PDS5B: variants seen among roughly 807,000 people sequenced by gnomAD.
The protein encoded by PDS5B is sister chromatid cohesion protein PDS5 homolog B.
Under a neutral mutation model 184.1 loss-of-function variants are expected in PDS5B, and 51 were observed. The ratio of observed to expected loss-of-function variants is 0.28; its 90% confidence interval spans 0.22 to 0.35. The LOEUF (loss-of-function observed/expected upper bound fraction) is 0.35, where lower values mean the gene tolerates loss of function less well. Ranked by LOEUF, PDS5B falls within the 10% of genes least tolerant of loss-of-function variation. The pLI is 1.00. For synonymous variants in PDS5B, 566 were observed against 569.2 expected (o/e 0.99, Z 0.08); for missense variants, 1,180 against 1,723.3 (o/e 0.68, Z 5.58).
chr13:32,744,253 C>T (rs142025255), intron 23 of PDS5B, among the ~76,000 whole-genome samples: 2 of 152,114 alleles, frequency 1.3e-5, no homozygotes, highest in Non-Finnish European at 2.9e-5. Context: ...ATTAAAATTT[C>T]GAATGTAATT....
intron 1 of PDS5B, among the ~76,000 whole-genome samples, chr13:32,593,398 T>C (rs2057806109): frequency 1.3e-5 from 2 of 152,220 alleles, no homozygotes; most frequent in South Asian, 4.1e-4. Flanking sequence ...TGGAGTGCAG[T>C]GGCACGATCT....
At chr13:32,659,751 GTGTT>G (rs1253398084) in intron 6 of PDS5B, among the ~76,000 whole-genome samples, 2 of 152,154 alleles carry the variant, frequency 1.3e-5, no homozygotes, top group Non-Finnish European at 2.9e-5. Flanking sequence ...GTTTTTGTGT[GTGTT>G]TGTGTTTTGA....
chr13:32,636,662 C>G (rs1265297155), intron 1 of PDS5B, among the ~76,000 whole-genome samples: 1 of 152,178 alleles, frequency 6.6e-6, no homozygotes. Flanking sequence ...AACATTTATT[C>G]AGCTTTTGCT....
At position 32,666,831 on chromosome 13, in the gene PDS5B, A is replaced by G. The variant is rs145005562; in HGVS notation, c.625-933A>G. Among the ~76,000 whole-genome samples, 257 of 152,338 alleles carry G rather than the reference A, an allele frequency of 1.7e-3. 1 individual carries two copies. Among genetic ancestry groups the G allele is most frequent in the African/African-American group, 6.0e-3 (249 of 41,574 alleles). On this transcript the variant is annotated intron_variant, in intron 6 of 34. Coordinates refer to ENST00000315596, the MANE Select transcript of PDS5B (RefSeq NM_015032.4). The stretch of plus-strand genomic sequence containing the variant: ...TCTATAATTGATGAAAGTTTAGTCC[A>G]TAGAATCTATGGAGAAAATATAAAA...
At chr13:32,663,062 G>A (rs1240805829) in intron 6 of PDS5B, among the ~76,000 whole-genome samples, 1 of 152,000 alleles carries the variant, frequency 6.6e-6, no homozygotes, top group Non-Finnish European at 1.5e-5. Context: ...ACATTTAGTT[G>A]GTTTTAAAAA....
chr13:32,698,381 A>T (rs1725578909), intron 15 of PDS5B, among the ~76,000 whole-genome samples: 1 of 152,176 alleles, frequency 6.6e-6, no homozygotes, highest in African/African-American at 2.4e-5. Context: ...CTGAACTACT[A>T]GTGGTCTTTG....
At chr13:32,725,965 G>GT (rs1216584832) in intron 19 of PDS5B, among the ~76,000 whole-genome samples, 2 of 151,892 alleles carry the variant, frequency 1.3e-5, no homozygotes, top group African/African-American at 4.8e-5. Flanking sequence ...GCTAGCACAT[G>GT]GATACATACC....
Position 32,763,324 on chromosome 13 carries a change from T to G in PDS5B, c.3519-1165T>G, listed in dbSNP as rs562028070. 8.5e-5 allele frequency: 13 copies of G among 152,824 alleles called. No homozygotes were observed. In the East Asian group the frequency reaches 2.5e-3, roughly 29 times the overall value. 9.5% of individuals were successfully genotyped at this position (152,824 alleles called of 1,614,324 possible). On this transcript the variant is annotated intron_variant, in intron 30 of 34. Transcript: ENST00000315596. ...CCCTGATGATTTGTGCAGAATGTAC[T>G]ATAGAGGAGCTAGAATTGAGGTAGA...
At position 32,624,776 on chromosome 13, in the gene PDS5B, G is replaced by T. The variant is rs1229187513; in HGVS notation, c.-19-23978G>T. On this transcript the variant is annotated intron_variant, in intron 1 of 34. Coordinates refer to ENST00000315596, the MANE Select transcript of PDS5B (RefSeq NM_015032.4). ...TTGCTTCTACTGAGAAATAGGATTT[G>T]TCATCTACCTGGGAACTTTCTAGAG... 2.0e-5 allele frequency among the ~76,000 whole-genome samples: 3 copies of T among 152,266 alleles called. No individual in the cohort carries two copies. The East Asian group carries it at 5.8e-4, about 29-fold the overall frequency.
At chr13:32,774,581 A>C (rs1329754741) in intron 34 of PDS5B, among the ~76,000 whole-genome samples, 1 of 152,196 alleles carries the variant, frequency 6.6e-6, no homozygotes, top group Non-Finnish European at 1.5e-5. Context: ...ATTTTAGGTT[A>C]TTTTACTGTA....
intron 1 of PDS5B, among the ~76,000 whole-genome samples, chr13:32,600,042 GACTCTTTTAAATGTTGTATCTA>G (rs1217569904): frequency 6.6e-6 from 1 of 152,064 alleles, no homozygotes; most frequent in Admixed American, 6.6e-5. Flanking sequence ...GTTTTTCAGA[GACTCTTTTAAATGTTGTATCTA>G]ATGTGCAGTG....
At chr13:32,760,767 A>C in intron 30 of PDS5B, 47 bp downstream of exon 30, 2 of 1,539,346 alleles carry the variant, frequency 1.3e-6, no homozygotes, top group Non-Finnish European at 1.8e-6. Flanking sequence ...GATTCCAGCA[A>C]GGCTATGAGA....
intron 19 of PDS5B, among the ~76,000 whole-genome samples, chr13:32,716,464 G>GC (rs1952419562): frequency 2.0e-5 from 3 of 149,724 alleles, no homozygotes; most frequent in South Asian, 2.1e-4. Flanking sequence ...CCTCCGCCCG[G>GC]CAGCCGCCCC....
intron 19 of PDS5B, among the ~76,000 whole-genome samples, chr13:32,718,920 C>T (rs2140917980): frequency 6.6e-6 from 1 of 152,232 alleles, no homozygotes; most frequent in South Asian, 2.1e-4. Flanking sequence ...ATACATTGGT[C>T]AGGAAAAGGT....
intron 11 of PDS5B, among the ~76,000 whole-genome samples, chr13:32,684,531 G>C (rs1302064038): frequency 6.6e-6 from 1 of 152,140 alleles, no homozygotes; most frequent in Non-Finnish European, 1.5e-5. Flanking sequence ...CAGCTTTTTT[G>C]AATGAGTACC....
Position 32,755,828 on chromosome 13 carries a change from G to GTTTTTT in PDS5B, c.2942-10_2942-9insTTTTTT. The GTTTTTT allele has an allele frequency of 9.4e-7, 1 of 1,067,774 alleles. No individual in the cohort carries two copies. Among genetic ancestry groups the GTTTTTT allele is most frequent in the Non-Finnish European group, 1.4e-6 (1 of 740,118 alleles). 66.1% of individuals were successfully genotyped at this position (1,067,774 alleles called of 1,614,324 possible). The stretch of plus-strand genomic sequence containing the variant: ...TTTGTTTTTTTTTGTTTGTTTGTTT[G>GTTTTTT]TTTTCTTTTTCAGAAAAATTATTGT... On this transcript the variant is annotated splice_polypyrimidine_tract_variant and intron_variant, in intron 25 of 34. Coordinates refer to ENST00000315596, the MANE Select transcript of PDS5B (RefSeq NM_015032.4).
At chr13:32,755,799 T>C in intron 25 of PDS5B, 43 bp from the exon 26 acceptor site, 1 of 1,014,466 alleles carries the variant, frequency 9.9e-7, no homozygotes, top group East Asian at 2.5e-5. Context: ...TTTTTGCTTT[T>C]TCTTTTGTTT....
chr13:32,678,138 G>A (rs1951122678), intron 9 of PDS5B, among the ~76,000 whole-genome samples: 1 of 152,088 alleles, frequency 6.6e-6, no homozygotes, highest in Non-Finnish European at 1.5e-5. Flanking sequence ...TCTAAATTAT[G>A]GAATAAAACC....
At position 32,597,000 on chromosome 13, in the gene PDS5B, A is replaced by G. The variant is rs767112410; in HGVS notation, c.-20+10407A>G. On this transcript the variant is annotated intron_variant, in intron 1 of 34. Transcript: ENST00000315596. ...TTTAAAATTTGATGAAGTCCAGTCA[A>G]TCAACTTTTTGTTTTATGGATTGTG... 2.0e-5 allele frequency among the ~76,000 whole-genome samples: 3 copies of G among 151,966 alleles called. No individual in the cohort carries two copies. In the South Asian group the frequency reaches 6.2e-4, roughly 32 times the overall value.
Sources: allele counts gnomAD v4.1 joint callset (sites outside exome capture counted in the v4.1 genomes callset), GRCh38; gene constraint gnomAD v4.1.1; transcripts MANE v1.5; gene names NCBI Gene and HGNC (gene_info 2026-07-23, HGNC 2026-07-21).